The following SHISA6 variants were observed in gnomAD, a reference collection of about 807,000 sequenced individuals.
SHISA6 encodes the protein shisa family member 6, also known as protein shisa-6.
A neutral mutation model predicts 47.9 loss-of-function variants in SHISA6; 22 were observed. The observed-to-expected ratio is 0.46, with a 90% CI of 0.33 to 0.66. The LOEUF is 0.66. Ranked by LOEUF, SHISA6 falls within the 30% of genes least tolerant of loss-of-function variation. SHISA6 has a pLI of 0.02. For missense variants in SHISA6, 680 were observed against 764.6 expected (o/e 0.89, Z 1.30); for synonymous variants, 388 against 337.8 (o/e 1.15, Z -1.63).
At chr17:11,276,136 C>T (rs980589402) in intron 2 of SHISA6, among the ~76,000 whole-genome samples, 2 of 152,048 alleles carry the variant, frequency 1.3e-5, no homozygotes, top group Non-Finnish European at 2.9e-5. Flanking sequence ...TGCCACCATG[C>T]CTGGCTAATT....
At chr17:11,510,243 G>A (rs2071531249) in intron 3 of SHISA6, among the ~76,000 whole-genome samples, 1 of 152,060 alleles carries the variant, frequency 6.6e-6, no homozygotes, top group Non-Finnish European at 1.5e-5. Context: ...AGCCTCCTCT[G>A]ATGCCTAACC....
rs149540609 is a variant in SHISA6 at position 11,420,799 on chromosome 17, C to A, written c.895+41290C>A. Among the ~76,000 whole-genome samples, 141 of 152,288 alleles carry A rather than the reference C, an allele frequency of 9.3e-4. 1 individual carries two copies. The East Asian group carries it at 0.026, about 28-fold the overall frequency. ...TCTAGATTCAAAGTCCCCGGGGGAA[C>A]CAGTCAATTGGCTAAGATTAGATTA... On this transcript the variant is annotated intron_variant, in intron 3 of 5. Coordinates refer to ENST00000441885, the MANE Select transcript of SHISA6 (RefSeq NM_207386.4).
At chr17:11,498,097 C>T (rs1385237102) in intron 3 of SHISA6, among the ~76,000 whole-genome samples, 1 of 152,222 alleles carries the variant, frequency 6.6e-6, no homozygotes, top group Non-Finnish European at 1.5e-5. Flanking sequence ...ATTGCTCTTC[C>T]TCTTCCTGTT....
At chr17:11,257,481 T>C (rs1908059623) in intron 1 of SHISA6, among the ~76,000 whole-genome samples, 1 of 151,896 alleles carries the variant, frequency 6.6e-6, no homozygotes, top group Non-Finnish European at 1.5e-5. Flanking sequence ...AGCAACATGG[T>C]GAAACTCTGT....
At chr17:11,273,853 A>C (rs934463017) in intron 2 of SHISA6, among the ~76,000 whole-genome samples, 5 of 152,234 alleles carry the variant, frequency 3.3e-5, no homozygotes, top group Non-Finnish European at 5.9e-5. Context: ...GTCAGAGCCC[A>C]GGCGAAACTT....
chr17:11,331,528 T>G (rs1250803166), intron 2 of SHISA6, among the ~76,000 whole-genome samples: 2 of 152,146 alleles, frequency 1.3e-5, no homozygotes, highest in Admixed American at 6.5e-5. Flanking sequence ...TTTTAATGAC[T>G]TTTTGAATGA....
intron 2 of SHISA6, among the ~76,000 whole-genome samples, chr17:11,287,476 G>A (rs1169566435): frequency 2.0e-5 from 3 of 151,086 alleles, no homozygotes; most frequent in Non-Finnish European, 4.4e-5. Context: ...ACTTGAACCC[G>A]GGAGTTGGAG....
rs1014096751 is a variant in SHISA6, at chr17:11,552,090, G to A, written c.952+138G>A. ...AGGAGGTCCAAGGAGCCACAGGCTCGCCCTCCTCCAGGGCCACAATGCTCT... is the reference window on the plus strand; with the variant it reads ...AGGAGGTCCAAGGAGCCACAGGCTCACCCTCCTCCAGGGCCACAATGCTCT... On this transcript the variant is annotated intron_variant, in intron 4 of 5. Coordinates refer to ENST00000441885, the MANE Select transcript of SHISA6 (RefSeq NM_207386.4). 1.6e-4 allele frequency: 139 copies of A among 859,100 alleles called. 1 individual carries two copies. The highest frequency in any genetic ancestry group is 4.2e-5 in the Non-Finnish European group (23 of 551,686). The allele number at this position is 859,100 out of a possible 1,614,324, so 53.2% of individuals were successfully genotyped here.
At chr17:11,501,134 T>TG (rs1482550775) in intron 3 of SHISA6, among the ~76,000 whole-genome samples, 5 of 149,728 alleles carry the variant, frequency 3.3e-5, no homozygotes, top group Non-Finnish European at 5.9e-5. Flanking sequence ...TTTTTTGAGA[T>TG]GGAGTTTTGC....
chr17:11,286,056 T>G (rs1457242594), intron 2 of SHISA6, among the ~76,000 whole-genome samples: 1 of 152,060 alleles, frequency 6.6e-6, no homozygotes, highest in African/African-American at 2.4e-5. Context: ...CAGGATGGTC[T>G]CGAACTCCTG....
intron 2 of SHISA6, among the ~76,000 whole-genome samples, chr17:11,271,943 A>G (rs1466951039): frequency 6.6e-6 from 1 of 151,540 alleles, no homozygotes; most frequent in Non-Finnish European, 1.5e-5. Flanking sequence ...CTTCACCCTC[A>G]CGTAGGATGA....
At chr17:11,487,012 C>T (rs943521740) in intron 3 of SHISA6, among the ~76,000 whole-genome samples, 2 of 152,214 alleles carry the variant, frequency 1.3e-5, no homozygotes, top group Non-Finnish European at 2.9e-5. Context: ...TATGTGTTGT[C>T]CATGGTCACT....
chr17:11,284,014 G>A (rs1017601059), intron 2 of SHISA6, among the ~76,000 whole-genome samples: 21 of 152,032 alleles, frequency 1.4e-4, no homozygotes, highest in African/African-American at 4.6e-4. Context: ...ACACTTCACA[G>A]GAAAGCCTCC....
intron 4 of SHISA6, among the ~76,000 whole-genome samples, chr17:11,553,793 T>C (rs1457442793): frequency 6.6e-6 from 1 of 152,196 alleles, no homozygotes; most frequent in Non-Finnish European, 1.5e-5. Context: ...AGTCAAATTA[T>C]TAGAGATGTT....
Position 11,241,477 on chromosome 17 carries a change from CT to C in SHISA6, c.56del (p.Leu19ArgfsTer17). On this transcript the variant is annotated frameshift_variant, in exon 1 of 6. Transcript: ENST00000441885. LOFTEE classifies it high-confidence loss of function. The surrounding 1 kb of genome is among the most constrained non-coding windows in gnomAD (Gnocchi z 5.5). ...GCTGCTCTCGCTGGAGTCCCTGGAC[CT>C]GCTGCCCAGCGTCCACGGAGCCCGC... Reference protein sequence around the residue: ...LLLLSLESLDLLPSVHGARGR... With the variant: ...LLLLSLESLDXLPSVHGARGR... The C allele has an allele frequency of 8.4e-7, 1 of 1,191,982 alleles. No individual in the cohort carries two copies. The highest frequency in any genetic ancestry group is 1.1e-6 in the Non-Finnish European group (1 of 947,380). The allele number at this position is 1,191,982 out of a possible 1,614,324, so 73.8% of individuals were successfully genotyped here.
chr17:11,324,900 C>CG (rs2142199316), intron 2 of SHISA6, among the ~76,000 whole-genome samples: 1 of 152,150 alleles, frequency 6.6e-6, no homozygotes, highest in East Asian at 1.9e-4. Context: ...CAGCGAGGGC[C>CG]GGGTCTCCAA....
intron 2 of SHISA6, among the ~76,000 whole-genome samples, chr17:11,310,196 C>G (rs550247527): frequency 6.6e-6 from 1 of 152,222 alleles, no homozygotes; most frequent in East Asian, 1.9e-4. Context: ...AGGAGGTAAA[C>G]AAATATTCAA....
intron 1 of SHISA6, 99 bp downstream of exon 1, chr17:11,242,159 C>G: frequency 6.9e-7 from 1 of 1,452,648 alleles, no homozygotes. Context: ...TCACACCTCC[C>G]CAGGCCCTCT....
At chr17:11,389,248 C>T (rs796106739) in intron 3 of SHISA6, among the ~76,000 whole-genome samples, 9 of 152,180 alleles carry the variant, frequency 5.9e-5, no homozygotes, top group African/African-American at 1.9e-4. Flanking sequence ...AGGTGGCAGG[C>T]GAAGCCACTG....
Sources: gnomAD v4.1 joint callset for allele counts (sites outside exome capture counted in the v4.1 genomes callset) on GRCh38, gnomAD v4.1.1 for gene constraint, Gnocchi (gnomAD v3.1) non-coding constraint, MANE v1.5 for transcripts, NCBI Gene and HGNC (gene_info 2026-07-23, HGNC 2026-07-21) for gene names.